The following TMEM163 variants were observed in gnomAD, a reference collection of about 807,000 sequenced individuals.
TMEM163 encodes transmembrane protein 163.
A neutral mutation model predicts 29.3 loss-of-function variants in TMEM163; 17 were observed. That is an observed-to-expected ratio of 0.58 (90% CI 0.40 to 0.87). TMEM163 has a LOEUF of 0.87. Among genes scored for constraint, TMEM163 ranks in the 40% least tolerant of loss-of-function variants. The pLI, the probability that TMEM163 is intolerant of heterozygous loss-of-function variation, is 0.00. For synonymous variants in TMEM163, 157 were observed against 160.6 expected, an observed-to-expected ratio of 0.98 and a Z score of 0.17; for missense variants, 303 against 381.5, an observed-to-expected ratio of 0.79 and a Z score of 1.71.
rs2106472227 is a variant in TMEM163, at chr2:134,460,972, C to T, written c.668-2799G>A. 6.6e-6 allele frequency among the ~76,000 whole-genome samples: 1 copy of T among 152,370 alleles called. No individual in the cohort carries two copies. The highest frequency in any genetic ancestry group is 1.9e-4 in the East Asian group (1 of 5,184). ...GCCTGAGGATGCTGGATCAAGCACA[C>T]AGGGACTAGGGACCGAGTCAGTGGC... On this transcript the variant is annotated intron_variant, in intron 6 of 7. Transcript: ENST00000281924. The surrounding 1 kb of genome is among the most constrained non-coding windows in gnomAD (Gnocchi z 4.3).
intron 2 of TMEM163, among the ~76,000 whole-genome samples, chr2:134,608,603 G>A (rs1303179858): frequency 1.0e-4 from 6 of 59,664 alleles, no homozygotes; most frequent in Admixed American, 4.1e-4. Context: ...GAACTGTACT[G>A]GTGAAAAGGA....
At chr2:134,494,595 C>A (rs1233241383) in intron 5 of TMEM163, among the ~76,000 whole-genome samples, 1 of 152,168 alleles carries the variant, frequency 6.6e-6, no homozygotes, top group Non-Finnish European at 1.5e-5. Context: ...AAAAGGCCCA[C>A]CAACTTGCTT....
chr2:134,600,408 C>T (rs549193828), intron 2 of TMEM163, among the ~76,000 whole-genome samples: 117 of 152,342 alleles, frequency 7.7e-4, no homozygotes, highest in Non-Finnish European at 1.4e-3. Flanking sequence ...TTACGTAACA[C>T]TTGCCTCCAG....
intron 2 of TMEM163, among the ~76,000 whole-genome samples, chr2:134,711,714 A>G (rs1684931352): frequency 6.6e-6 from 1 of 152,214 alleles, no homozygotes; most frequent in African/African-American, 2.4e-5. Context: ...TTTGTCTATT[A>G]TGAGACTTAA....
intron 2 of TMEM163, among the ~76,000 whole-genome samples, chr2:134,612,027 G>T (rs1682514520): frequency 2.0e-5 from 3 of 152,232 alleles, no homozygotes; most frequent in South Asian, 4.1e-4. Context: ...TTCCACAGAG[G>T]TCAGCATATG....
chr2:134,619,483 T>C (rs1308400722), intron 2 of TMEM163, among the ~76,000 whole-genome samples: 2 of 152,158 alleles, frequency 1.3e-5, no homozygotes, highest in East Asian at 1.9e-4. Flanking sequence ...TCTACATTAA[T>C]AGAATAAGAA....
rs1553471761 is a variant in TMEM163, at chr2:134,465,196, A to AACAAAAAAAAC, written c.667+917_667+918insGTTTTTTTTGT. Among the ~76,000 whole-genome samples, 6 of 139,690 alleles carry AACAAAAAAAAC rather than the reference A, an allele frequency of 4.3e-5. No homozygotes were observed. In the East Asian group the frequency reaches 1.3e-3, roughly 30 times the overall value. 91.6% of individuals were successfully genotyped at this position (139,690 alleles called of 152,430 possible). A position where few individuals can be genotyped will look rare whatever the true frequency, so the allele number is the denominator to read the frequency against. On this transcript the variant is annotated intron_variant, in intron 6 of 7. Transcript: ENST00000281924. ...ATGGTGAGTCCGCATCTTTAAAAAA[A>AACAAAAAAAAC]AAAAAAACAAAAACAAAACAAAAAT...
intron 2 of TMEM163, among the ~76,000 whole-genome samples, chr2:134,710,805 C>T (rs957941756): frequency 6.6e-6 from 1 of 151,696 alleles, no homozygotes; most frequent in African/African-American, 2.4e-5. Context: ...TCATGATTAA[C>T]ACCCCCTGCT....
chr2:134,692,106 C>T (rs1684482432), intron 2 of TMEM163, among the ~76,000 whole-genome samples: 1 of 151,960 alleles, frequency 6.6e-6, no homozygotes, highest in Non-Finnish European at 1.5e-5. Context: ...AAGATGCCAG[C>T]CTTAAAGACT....
At chr2:134,714,946 G>A (rs990805855) in intron 1 of TMEM163, among the ~76,000 whole-genome samples, 8 of 152,128 alleles carry the variant, frequency 5.3e-5, no homozygotes, top group African/African-American at 9.7e-5. Flanking sequence ...ATCCTAGAAT[G>A]AGCAGATTCC....
chr2:134,545,846 G>C (rs928669580), intron 4 of TMEM163, among the ~76,000 whole-genome samples: 1 of 152,100 alleles, frequency 6.6e-6, no homozygotes, highest in African/African-American at 2.4e-5. Flanking sequence ...ACCTATCAAG[G>C]CTTCTCATCT....
chr2:134,643,029 A>G (rs186916027), intron 2 of TMEM163, among the ~76,000 whole-genome samples: 143 of 152,156 alleles, frequency 9.4e-4, no homozygotes, highest in African/African-American at 3.0e-3. Context: ...AATGAAATTG[A>G]AAACATTACA....
chr2:134,691,226 C>T (rs1684456250), intron 2 of TMEM163, among the ~76,000 whole-genome samples: 1 of 152,166 alleles, frequency 6.6e-6, no homozygotes, highest in South Asian at 2.1e-4. Context: ...GGTAGCAAAG[C>T]CCCCTCTTCA....
In TMEM163 at chr2:134,561,592, G is replaced by A. The variant is rs112303676; in HGVS notation, c.323-9501C>T. Reference sequence around the variant, plus strand: ...TCTCGATCTCCTGACCTCGCGATCCGCCTGACTTGGCCTCCCAAAGTGAGC... The same window carrying A: ...TCTCGATCTCCTGACCTCGCGATCCACCTGACTTGGCCTCCCAAAGTGAGC... On this transcript the variant is annotated intron_variant, in intron 2 of 7. Transcript: ENST00000281924. Among the ~76,000 whole-genome samples the A allele has an allele frequency of 3.5e-3, 533 of 152,258 alleles. 4 individuals carry two copies. Among genetic ancestry groups the A allele is most frequent in the South Asian group, 0.025 (122 of 4,822 alleles).
At position 134,718,872 on chromosome 2, in the gene TMEM163, G is replaced by A. The variant is rs1685101106; in HGVS notation, c.64C>T (p.Arg22Trp). 4 of 1,104,970 alleles carry A rather than the reference G, an allele frequency of 3.6e-6. No individual in the cohort carries two copies. The South Asian group carries it at 1.3e-4, about 36-fold the overall frequency. 68.4% of individuals were successfully genotyped at this position (1,104,970 alleles called of 1,614,324 possible). ...SQGPTVPPPP[R>W]GHAPPAAAPG... ...GCGGCAGCCGGTGGCGCGTGGCCCC[G>A]GGGCGGCGGCGGGACGGTGGGCCCC... Residue 22 changes from arginine to tryptophan, a missense_variant, in exon 1 of 8, where the codon CGG becomes TGG. Physicochemically the swap from Arg to Trp is moderately radical, Grantham distance 101. Around this residue, in one of 2 missense-constraint regions of TMEM163, gnomAD observed 100 missense variants for 87.2 expected, o/e 1.15. Coordinates refer to ENST00000281924, the MANE Select transcript of TMEM163 (RefSeq NM_030923.5).
intron 2 of TMEM163, among the ~76,000 whole-genome samples, chr2:134,618,054 C>T (rs115026319): frequency 0.013 from 1,976 of 151,946 alleles, 47 homozygotes; most frequent in African/African-American, 0.041. Context: ...GTTGAGGCTG[C>T]AGTGAGCCAT....
intron 2 of TMEM163, among the ~76,000 whole-genome samples, chr2:134,612,057 C>G (rs1227645772): frequency 6.6e-6 from 1 of 152,236 alleles, no homozygotes; most frequent in Non-Finnish European, 1.5e-5. Context: ...TAAAAACCAA[C>G]AGCCTTGCCA....
At chr2:134,553,438 C>G (rs1680975656) in intron 2 of TMEM163, among the ~76,000 whole-genome samples, 2 of 152,196 alleles carry the variant, frequency 1.3e-5, no homozygotes, top group Admixed American at 1.3e-4. Flanking sequence ...CAGAGAGAGT[C>G]TAGTTGGTCA....
At chr2:134,683,270 T>A (rs1228771991) in intron 2 of TMEM163, among the ~76,000 whole-genome samples, 3 of 152,144 alleles carry the variant, frequency 2.0e-5, no homozygotes, top group East Asian at 3.9e-4. Context: ...TGTGTCTGTG[T>A]AGGTTCATCA....
Sources: allele counts gnomAD v4.1 joint callset (sites outside exome capture counted in the v4.1 genomes callset), GRCh38; gene constraint gnomAD v4.1.1; regional missense constraint gnomAD v4.1.1; non-coding constraint Gnocchi (gnomAD v3.1); transcripts MANE v1.5; gene names NCBI Gene and HGNC (gene_info 2026-07-23, HGNC 2026-07-21).